SLC25A26: variants seen among roughly 807,000 people sequenced by gnomAD.
The protein encoded by SLC25A26 is solute carrier family 25 member 26.
In SLC25A26, 36 loss-of-function variants were observed where a neutral mutation model predicts 37.8. The observed-to-expected ratio is 0.95, with a 90% CI of 0.73 to 1.26. The LOEUF (loss-of-function observed/expected upper bound fraction) is 1.26, where lower values mean the gene tolerates loss of function less well. Among genes scored for constraint, SLC25A26 ranks in the 50% most tolerant of loss-of-function variants. SLC25A26 has a pLI of 0.00. For missense variants in SLC25A26, 390 were observed against 331.1 expected, an observed-to-expected ratio of 1.18 and a Z score of -1.38; for synonymous variants, 129 against 122.5, an observed-to-expected ratio of 1.05 and a Z score of -0.35.
At position 66,230,038 on chromosome 3, in the gene SLC25A26, G is replaced by A. The variant is rs141021667; in HGVS notation, c.34-6506G>A. On this transcript the variant is annotated intron_variant, in intron 1 of 9. Transcript: ENST00000354883. ...TTTGATTGTCACACATGCTGTGGCAGACCAGAACAGGGACCACCAAGCAGT... is the reference window on the plus strand; with the variant it reads ...TTTGATTGTCACACATGCTGTGGCAAACCAGAACAGGGACCACCAAGCAGT... 3.3e-4 allele frequency among the ~76,000 whole-genome samples: 51 copies of A among 152,330 alleles called. 1 individual carries two copies. The East Asian group carries it at 9.3e-3, about 28-fold the overall frequency.
chr3:66,282,464 C>G (rs148705449), intron 5 of SLC25A26, among the ~76,000 whole-genome samples: 2 of 152,086 alleles, frequency 1.3e-5, no homozygotes, highest in African/African-American at 4.8e-5. Context: ...TCTTTGAGAA[C>G]CTCCTTGCTG....
At chr3:66,190,511 C>G (rs1435731027) in intron 1 of SLC25A26, among the ~76,000 whole-genome samples, 1 of 152,176 alleles carries the variant, frequency 6.6e-6, no homozygotes, top group Admixed American at 6.5e-5. Context: ...TCACTACAAC[C>G]TCTGCCTCCT....
intron 5 of SLC25A26, among the ~76,000 whole-genome samples, chr3:66,319,744 C>CTTTTTTTTTTT (rs71105981): frequency 2.2e-5 from 2 of 92,090 alleles, no homozygotes; most frequent in African/African-American, 5.0e-5. Flanking sequence ...GCAATTAAAT[C>CTTTTTTTTTTT]TTTTTTTTTT....
intron 3 of SLC25A26, among the ~76,000 whole-genome samples, chr3:66,246,569 T>C (rs917353094): frequency 3.9e-5 from 6 of 152,200 alleles, no homozygotes; most frequent in Non-Finnish European, 8.8e-5. Context: ...TAACATTTGA[T>C]ATGTGGACTG....
chr3:66,284,069 G>T (rs1390303693), intron 5 of SLC25A26, among the ~76,000 whole-genome samples: 1 of 152,174 alleles, frequency 6.6e-6, no homozygotes, highest in Non-Finnish European at 1.5e-5. Context: ...GGGATAGACT[G>T]GGCATGGTGG....
chr3:66,177,620 G>A (rs922416116), intron 1 of SLC25A26, among the ~76,000 whole-genome samples: 4 of 152,178 alleles, frequency 2.6e-5, no homozygotes, highest in African/African-American at 9.7e-5. Flanking sequence ...CACACCCATC[G>A]TCTGTCCTGT....
rs535724501 is a variant in SLC25A26, at chr3:66,335,906, G to A, written c.454-10458G>A. On this transcript the variant is annotated intron_variant, in intron 5 of 9. Transcript: ENST00000354883. ...GGGAAAGTTGGTGGTGGTGGGGAGG[G>A]AAGGAGGGAGGAAGGAAGGAGAGTA... Among the ~76,000 whole-genome samples the A allele has an allele frequency of 2.1e-4, 32 of 152,284 alleles. 1 individual carries two copies. In the South Asian group the frequency reaches 6.4e-3, roughly 31 times the overall value.
intron 2 of SLC25A26, among the ~76,000 whole-genome samples, chr3:66,241,876 A>T (rs1249036572): frequency 6.6e-6 from 1 of 151,662 alleles, no homozygotes; most frequent in East Asian, 1.9e-4. Flanking sequence ...TAGGAGCCTT[A>T]GTCCCTATTT....
intron 3 of SLC25A26, among the ~76,000 whole-genome samples, chr3:66,255,100 C>G (rs1482603681): frequency 6.6e-6 from 1 of 152,284 alleles, no homozygotes; most frequent in South Asian, 2.1e-4. Context: ...GGAATTTTTT[C>G]CCTTTCAAAT....
At chr3:66,218,521 G>A (rs1027655093), upstream of SLC25A26, among the ~76,000 whole-genome samples, 7 of 152,174 alleles carry the variant, frequency 4.6e-5, no homozygotes, top group Non-Finnish European at 1.0e-4. Flanking sequence ...TTTCCCTGAT[G>A]TGGTAACCAG....
intron 9 of SLC25A26, among the ~76,000 whole-genome samples, chr3:66,373,356 C>T (rs1335945027): frequency 6.6e-6 from 1 of 152,216 alleles, no homozygotes; most frequent in Non-Finnish European, 1.5e-5. Flanking sequence ...CACGTTAAGG[C>T]CGTAATTACG....
chr3:66,204,432 A>AAAG (rs1327810290), intron 1 of SLC25A26, among the ~76,000 whole-genome samples: 1 of 93,036 alleles, frequency 1.1e-5, no homozygotes, highest in East Asian at 4.1e-4. Context: ...TCTCAAAAAA[A>AAAG]AAAAAAAGAA....
chr3:66,175,628 T>C (rs2070574087), intron 1 of SLC25A26, among the ~76,000 whole-genome samples: 1 of 152,176 alleles, frequency 6.6e-6, no homozygotes, highest in Non-Finnish European at 1.5e-5. Flanking sequence ...AAGCCAATGT[T>C]GTAAGTTGTA....
chr3:66,263,379 G>A lies in SLC25A26; in HGVS notation c.453G>A (p.Glu151=). The A allele has an allele frequency of 6.2e-7, 1 of 1,602,440 alleles. No homozygotes were observed. The highest frequency in any genetic ancestry group is 8.5e-7 in the Non-Finnish European group (1 of 1,170,664). ...GCTATAAAAGCACAGTTTTAAGAGA[G>A]GTAAGTCACTTACTTTCCAATATTG... ...YRGYKSTVLR[E]IPFSLVQFPL... is the part of the protein sequence containing the mutation. The change falls in exon 5 of 10, where the codon GAG becomes GAA. Residue 151 remains glutamate (E), a splice_region_variant and synonymous_variant. Coordinates refer to ENST00000354883, the MANE Select transcript of SLC25A26 (RefSeq NM_001379210.1).
At chr3:66,312,653 G>A (rs116071396) in intron 5 of SLC25A26, among the ~76,000 whole-genome samples, 1,981 of 152,220 alleles carry the variant, frequency 0.013, 45 homozygotes, top group African/African-American at 0.044. Flanking sequence ...GAATCTCCTC[G>A]TCTGTGGGTT....
chr3:66,183,044 G>T (rs1248865603), intron 1 of SLC25A26, among the ~76,000 whole-genome samples: 1 of 152,014 alleles, frequency 6.6e-6, no homozygotes, highest in Non-Finnish European at 1.5e-5. Flanking sequence ...CACCTCTAAG[G>T]CCTAGGGTGT....
In SLC25A26 at chr3:66,275,179, C is replaced by G. The variant is rs145354091; in HGVS notation, c.453+11800C>G. Among the ~76,000 whole-genome samples, 993 of 143,816 alleles carry G rather than the reference C, an allele frequency of 6.9e-3. 7 individuals are homozygous for G. The highest frequency in any genetic ancestry group is 0.019 in the South Asian group (87 of 4,654). 94.3% of individuals were successfully genotyped at this position (143,816 alleles called of 152,430 possible). A position where few individuals can be genotyped will look rare whatever the true frequency, so the allele number is the denominator to read the frequency against. On this transcript the variant is annotated intron_variant, in intron 5 of 9. Transcript: ENST00000354883. ...AAAAACCAAACACGGCATGTTCTCA[C>G]TCATAGATGGGAATTGAACAATGAG...
chr3:66,143,968 G>C (rs1462661644), intron 1 of SLC25A26, among the ~76,000 whole-genome samples: 1 of 152,152 alleles, frequency 6.6e-6, no homozygotes, highest in Non-Finnish European at 1.5e-5. Context: ...TGTCCTGAGA[G>C]ACTGCACACT....
At chr3:66,145,678 T>C (rs2070104895) in intron 1 of SLC25A26, among the ~76,000 whole-genome samples, 1 of 152,234 alleles carries the variant, frequency 6.6e-6, no homozygotes, top group Non-Finnish European at 1.5e-5. Context: ...CATTTAAAGC[T>C]AAATAAACAG....
Sources: allele counts gnomAD v4.1 joint callset (sites outside exome capture counted in the v4.1 genomes callset), GRCh38; gene constraint gnomAD v4.1.1; transcripts MANE v1.5; gene names NCBI Gene and HGNC (gene_info 2026-07-23, HGNC 2026-07-21).